SHISA9: variants seen among roughly 807,000 people sequenced by gnomAD.
SHISA9 encodes shisa family member 9.
Under a neutral mutation model 38.0 loss-of-function variants are expected in SHISA9, and 13 were observed. That is an observed-to-expected ratio of 0.34 (90% CI 0.22 to 0.54). The LOEUF is 0.54. Ranked by LOEUF, SHISA9 falls within the 20% of genes least tolerant of loss-of-function variation. The pLI is 0.91. For missense variants in SHISA9, 538 were observed against 575.8 expected (o/e 0.93, Z 0.67); for synonymous variants, 275 against 242.0 (o/e 1.14, Z -1.27).
chr16:13,234,596 C>T (rs567611281), intron 4 of SHISA9, among the ~76,000 whole-genome samples: 2 of 152,002 alleles, frequency 1.3e-5, no homozygotes, highest in South Asian at 2.1e-4. Context: ...GAAAATACAC[C>T]CAAAAGTTGT....
the SHISA9 span, among the ~76,000 whole-genome samples, chr16:13,370,126 G>T: frequency 2.7e-4 from 41 of 152,102 alleles, no homozygotes; most frequent in African/African-American, 8.7e-4. Context: ...AGCCCGAGTC[G>T]AGCTCAGTGG....
chr16:12,902,832 G>C, intron 1 of SHISA9: 1 of 593,108 alleles, frequency 1.7e-6, no homozygotes, highest in East Asian at 2.8e-5. Flanking sequence ...GTCTGAGCGT[G>C]TTCGTGTGTG....
At chr16:13,010,584 C>A (rs1056076773) in intron 2 of SHISA9, among the ~76,000 whole-genome samples, 3 of 152,160 alleles carry the variant, frequency 2.0e-5, no homozygotes, top group African/African-American at 7.2e-5. Flanking sequence ...TTCTCATTAA[C>A]CTTTAAAATC....
the SHISA9 span, among the ~76,000 whole-genome samples, chr16:13,297,877 C>T: frequency 6.6e-6 from 1 of 152,202 alleles, no homozygotes; most frequent in East Asian, 1.9e-4. Flanking sequence ...CTGCTTCAGC[C>T]TCTTGAGTAG....
At chr16:13,181,310 TATACACAC>T (rs1235841624) in intron 2 of SHISA9, among the ~76,000 whole-genome samples, 8 of 33,000 alleles carry the variant, frequency 2.4e-4, no homozygotes, top group African/African-American at 1.1e-3. Flanking sequence ...TATATATATA[TATACACAC>T]ACACACACAC....
At chr16:13,063,140 G>C (rs925222565) in intron 2 of SHISA9, among the ~76,000 whole-genome samples, 1 of 152,120 alleles carries the variant, frequency 6.6e-6, no homozygotes, top group Admixed American at 6.5e-5. Context: ...CCGAGTAGCT[G>C]GGACTACAGG....
intron 2 of SHISA9, among the ~76,000 whole-genome samples, chr16:13,019,687 C>T (rs1256975571): frequency 2.0e-5 from 3 of 151,780 alleles, no homozygotes; most frequent in African/African-American, 4.8e-5. Context: ...TGGGGTTTGT[C>T]GTATAGATTA....
At chr16:13,313,881 T>A in the SHISA9 span, among the ~76,000 whole-genome samples, 3 of 152,204 alleles carry the variant, frequency 2.0e-5, no homozygotes, top group Non-Finnish European at 4.4e-5. Context: ...CAGAATTGCA[T>A]TACTTTTATA....
intron 2 of SHISA9, among the ~76,000 whole-genome samples, chr16:13,189,261 T>G (rs2050859530): frequency 6.6e-6 from 1 of 152,134 alleles, no homozygotes; most frequent in Non-Finnish European, 1.5e-5. Context: ...GGGAGGTCGG[T>G]TGGTGGGCAT....
At chr16:12,922,497 A>G (rs2071340024) in intron 2 of SHISA9, among the ~76,000 whole-genome samples, 1 of 152,140 alleles carries the variant, frequency 6.6e-6, no homozygotes, top group African/African-American at 2.4e-5. Flanking sequence ...CCCTCAAGTC[A>G]TCCATTATTT....
chr16:12,972,133 T>C (rs1396125387), intron 2 of SHISA9, among the ~76,000 whole-genome samples: 1 of 150,566 alleles, frequency 6.6e-6, no homozygotes, highest in Non-Finnish European at 1.5e-5. Flanking sequence ...TAATGATAAA[T>C]AAAGGTAAAT....
chr16:13,424,158 C>G, the SHISA9 span, among the ~76,000 whole-genome samples: 1 of 152,188 alleles, frequency 6.6e-6, no homozygotes, highest in Non-Finnish European at 1.5e-5. Flanking sequence ...TGGAGGGTCT[C>G]TTAGAATTTT....
intron 2 of SHISA9, among the ~76,000 whole-genome samples, chr16:13,178,133 G>A (rs1371834030): frequency 6.6e-6 from 1 of 152,138 alleles, no homozygotes; most frequent in Admixed American, 6.5e-5. Flanking sequence ...GAACACTTGT[G>A]GGCACAGACA....
rs572474677 is a variant in SHISA9, at chr16:12,968,282, G to T, written c.691+51467G>T. On this transcript the variant is annotated intron_variant, in intron 2 of 4. Coordinates refer to ENST00000558583, the MANE Select transcript of SHISA9 (RefSeq NM_001145204.3). ...CATATAAATCACAGTCTCAAGGCTG[G>T]GACACATTTGTCACTATGTTTTGAA... 2.7e-5 allele frequency among the ~76,000 whole-genome samples: 4 copies of T among 150,462 alleles called. No homozygotes were observed. In the South Asian group the frequency reaches 8.5e-4, roughly 32 times the overall value.
At chr16:12,986,924 A>T (rs1409482687) in intron 2 of SHISA9, among the ~76,000 whole-genome samples, 1 of 152,224 alleles carries the variant, frequency 6.6e-6, no homozygotes, top group Non-Finnish European at 1.5e-5. Context: ...TCACCATGAC[A>T]GGGTACTTCT....
intron 2 of SHISA9, among the ~76,000 whole-genome samples, chr16:13,090,688 A>G (rs746630278): frequency 1.3e-5 from 2 of 152,144 alleles, no homozygotes; most frequent in African/African-American, 2.4e-5. Context: ...TTTTGAGCCT[A>G]TGTGCATCGT....
At chr16:13,255,338 C>T in the SHISA9 span, among the ~76,000 whole-genome samples, 3 of 152,054 alleles carry the variant, frequency 2.0e-5, no homozygotes, top group African/African-American at 7.2e-5. Flanking sequence ...ATCTGCCTTT[C>T]TCTGAAACAC....
At chr16:12,936,974 C>T (rs2071542763) in intron 2 of SHISA9, among the ~76,000 whole-genome samples, 1 of 152,188 alleles carries the variant, frequency 6.6e-6, no homozygotes, top group Non-Finnish European at 1.5e-5. Flanking sequence ...CCAACACTGT[C>T]TTTTAAGATC....
the SHISA9 span, among the ~76,000 whole-genome samples, chr16:13,253,382 C>T: frequency 2.0e-5 from 3 of 152,198 alleles, no homozygotes; most frequent in East Asian, 3.9e-4. Flanking sequence ...TCCAAAGGTA[C>T]AAGGGAGATG....
Sources: gnomAD v4.1 joint callset for allele counts (sites outside exome capture counted in the v4.1 genomes callset) on GRCh38, gnomAD v4.1.1 for gene constraint, MANE v1.5 for transcripts, NCBI Gene and HGNC (gene_info 2026-07-23, HGNC 2026-07-21) for gene names.